The following BMP8B variants were observed in gnomAD, a reference collection of about 807,000 sequenced individuals.
The protein encoded by BMP8B is bone morphogenetic protein 8 (osteogenic protein 2).
Under a neutral mutation model 30.3 loss-of-function variants are expected in BMP8B, and 17 were observed. The ratio of observed to expected loss-of-function variants is 0.56; its 90% CI spans 0.38 to 0.84. BMP8B has a LOEUF of 0.84. Among genes scored for constraint, BMP8B ranks in the 40% least tolerant of loss-of-function variants. The pLI is 0.00. For missense variants in BMP8B, 253 were observed against 494.6 expected, an observed-to-expected ratio of 0.51 and a Z score of 4.63; for synonymous variants, 131 against 214.7, an observed-to-expected ratio of 0.61 and a Z score of 3.41.
intron 1 of BMP8B, among the ~76,000 whole-genome samples, chr1:39,775,333 C>T (rs1458333243): frequency 2.0e-5 from 3 of 152,154 alleles, no homozygotes; most frequent in Admixed American, 6.5e-5. Context: ...CTTCTCGGCC[C>T]GGCTGGTCCT....
At chr1:39,762,407 G>C (rs1649117680) in intron 6 of BMP8B, 4 of 1,369,234 alleles carry the variant, frequency 2.9e-6, no homozygotes, top group Non-Finnish European at 3.9e-6. Flanking sequence ...TGGGATTCTA[G>C]GTAAAAAGTT....
chr1:39,762,564 C>G (rs562516798), intron 6 of BMP8B: 3 of 1,550,352 alleles, frequency 1.9e-6, no homozygotes, highest in Non-Finnish European at 2.6e-6. Flanking sequence ...CCAGAAAAAA[C>G]AAAGATGGCC....
At position 39,760,287 on chromosome 1, in the gene BMP8B, C is replaced by G; in HGVS notation, c.*132G>C. 7.2e-7 allele frequency: 1 copy of G among 1,390,636 alleles called. No homozygotes were observed. Among genetic ancestry groups the G allele is most frequent in the Non-Finnish European group, 9.7e-7 (1 of 1,030,058 alleles). The allele number at this position is 1,390,636 out of a possible 1,614,324, so 86.1% of individuals were successfully genotyped here. Reference sequence around the variant, plus strand: ...GAGCCTGGCATGAAGGAGAAAGGGTCATGTACGTGGTTGTGAGGGTCCTCC... The same window carrying G: ...GAGCCTGGCATGAAGGAGAAAGGGTGATGTACGTGGTTGTGAGGGTCCTCC... On this transcript the variant is annotated 3_prime_UTR_variant, in exon 7 of 7. Transcript: ENST00000372827.
Position 39,759,469 on chromosome 1 carries a change from C to G in BMP8B, c.*950G>C, listed in dbSNP as rs926047021. On this transcript the variant is annotated 3_prime_UTR_variant, in exon 7 of 7. Coordinates refer to ENST00000372827, the MANE Select transcript of BMP8B (RefSeq NM_001720.5). ...ATCATATCTGTTGGCAGTGGCTGTG[C>G]TGATCATTTGAAAATTCCACTCAGA... 1 of 152,390 alleles carries G rather than the reference C, an allele frequency of 6.6e-6. No individual in the cohort carries two copies. Among genetic ancestry groups the G allele is most frequent in the African/African-American group, 2.4e-5 (1 of 41,596 alleles). The allele number at this position is 152,390 out of a possible 1,614,324, so 9.4% of individuals were successfully genotyped here. A position where few individuals can be genotyped will look rare whatever the true frequency, so the allele number is the denominator to read the frequency against.
chr1:39,768,622 C>T (rs1649753620), intron 3 of BMP8B, among the ~76,000 whole-genome samples: 1 of 149,810 alleles, frequency 6.7e-6, no homozygotes, highest in African/African-American at 2.5e-5. Flanking sequence ...GAGGCCAAGG[C>T]AGGTGGATCA....
Position 39,769,816 on chromosome 1 carries a change from C to G in BMP8B, c.673+4492G>C, listed in dbSNP as rs765531562. ...CCTCCCAGAGCTCCCTCAGCGTCAGCTCTTTCTTCCTGTGCACGTCAAACA... is the reference window on the plus strand; with the variant it reads ...CCTCCCAGAGCTCCCTCAGCGTCAGGTCTTTCTTCCTGTGCACGTCAAACA... On this transcript the variant is annotated intron_variant, in intron 3 of 6. Coordinates refer to ENST00000372827, the MANE Select transcript of BMP8B (RefSeq NM_001720.5). 1.9e-6 allele frequency: 3 copies of G among 1,613,654 alleles called. 1 individual carries two copies. Among genetic ancestry groups the G allele is most frequent in the Non-Finnish European group, 2.5e-6 (3 of 1,179,836 alleles).
At chr1:39,763,279 C>T in intron 5 of BMP8B, 77 bp from the exon 6 acceptor site, 1 of 1,382,912 alleles carries the variant, frequency 7.2e-7, no homozygotes, top group Non-Finnish European at 1.0e-6. Context: ...ATCCTCCAGC[C>T]CTGCAGGGCC....
rs1045371961 is a variant in BMP8B at position 39,757,717 on chromosome 1, A to G, written c.*2702T>C. 1 of 152,222 alleles carries G rather than the reference A, an allele frequency of 6.6e-6. No homozygotes were observed. The highest frequency in any genetic ancestry group is 1.5e-5 in the Non-Finnish European group (1 of 68,054). The allele number at this position is 152,222 out of a possible 1,614,324, so 9.4% of individuals were successfully genotyped here. ...AACAGGCCATGCCCTGAGCAAAGAAAAGGGAAATGGTGGTATCTGTGCTGC... is the reference window on the plus strand; with the variant it reads ...AACAGGCCATGCCCTGAGCAAAGAAGAGGGAAATGGTGGTATCTGTGCTGC... On this transcript the variant is annotated 3_prime_UTR_variant, in exon 7 of 7. Coordinates refer to ENST00000372827, the MANE Select transcript of BMP8B (RefSeq NM_001720.5).
At chr1:39,783,502 C>A (rs1178618356) in intron 1 of BMP8B, among the ~76,000 whole-genome samples, 1 of 152,172 alleles carries the variant, frequency 6.6e-6, no homozygotes, top group Non-Finnish European at 1.5e-5. Context: ...TACCTTTGGG[C>A]ATACAGTCAC....
intron 3 of BMP8B, among the ~76,000 whole-genome samples, chr1:39,769,186 C>CAA (rs895090517): frequency 1.3e-5 from 2 of 149,006 alleles, no homozygotes; most frequent in African/African-American, 5.0e-5. Flanking sequence ...GACCCTGCCT[C>CAA]AAAAAAAAGA....
chr1:39,777,917 G>A (rs1650344603), intron 1 of BMP8B, among the ~76,000 whole-genome samples: 1 of 152,194 alleles, frequency 6.6e-6, no homozygotes, highest in South Asian at 2.1e-4. Context: ...CTCTCAGTCC[G>A]ACTGAGAAGG....
Position 39,787,889 on chromosome 1 carries a change from T to C in BMP8B, c.334+263A>G, listed in dbSNP as rs552526992. On this transcript the variant is annotated intron_variant, in intron 1 of 6. Transcript: ENST00000372827. ...GTGGGCAAAGACATCACCTGATTCTTACTCCTGGGTGTGTTTGGGGCAGGG... is the reference window on the plus strand; with the variant it reads ...GTGGGCAAAGACATCACCTGATTCTCACTCCTGGGTGTGTTTGGGGCAGGG... 5.9e-5 allele frequency among the ~76,000 whole-genome samples: 9 copies of C among 152,342 alleles called. No individual in the cohort carries two copies. In the East Asian group the frequency reaches 1.5e-3, roughly 26 times the overall value.
At position 39,774,941 on chromosome 1, in the gene BMP8B, C is replaced by T. The variant is rs745366571; in HGVS notation, c.432G>A (p.Ala144=). The change falls in exon 2 of 7, where the codon GCG becomes GCA. Residue 144 remains alanine, a synonymous_variant. Coordinates refer to ENST00000372827, the MANE Select transcript of BMP8B (RefSeq NM_001720.5). ...TGGGCACCTTGTAAATCCGGAACTC[C>T]GCAGCTGTGACCGCCTCCCCAGCCG... is the stretch of plus-strand genomic sequence containing the variant. ...QIPAGEAVTA[A]EFRIYKVPSI... is the part of the protein sequence containing the mutation. The T allele has an allele frequency of 3.0e-5, 37 of 1,235,718 alleles. No individual in the cohort carries two copies. The highest frequency in any genetic ancestry group is 1.5e-4 in the Admixed American group (7 of 46,588). 76.5% of individuals were successfully genotyped at this position (1,235,718 alleles called of 1,614,324 possible). A position where few individuals can be genotyped will look rare whatever the true frequency, so the allele number is the denominator to read the frequency against.
chr1:39,776,587 G>T (rs1001597721), intron 1 of BMP8B, among the ~76,000 whole-genome samples: 1 of 152,204 alleles, frequency 6.6e-6, no homozygotes, highest in Non-Finnish European at 1.5e-5. Context: ...GCGGGGCAGG[G>T]GATGGGGCCA....
intron 6 of BMP8B, chr1:39,762,621 C>T (rs946974282): frequency 3.5e-5 from 54 of 1,547,954 alleles, no homozygotes; most frequent in Non-Finnish European, 4.5e-5. Context: ...GCCACACCAT[C>T]TAGAAGCTTC....
chr1:39,788,141 G>T lies in BMP8B; in HGVS notation c.334+11C>A. ...TACTCCGAGGGTCCCCGCGCGGGCG[G>T]CCGCACTCACCCATGTTAACGAAGC... On this transcript the variant is annotated intron_variant, in intron 1 of 6. Coordinates refer to ENST00000372827, the MANE Select transcript of BMP8B (RefSeq NM_001720.5). The surrounding 1 kb of genome is among the most constrained non-coding windows in gnomAD (Gnocchi z 5.8). The T allele has an allele frequency of 6.4e-7, 1 of 1,552,662 alleles. No individual in the cohort carries two copies. Among genetic ancestry groups the T allele is most frequent in the Non-Finnish European group, 8.6e-7 (1 of 1,161,460 alleles).
chr1:39,776,848 AT>A (rs1200073465), intron 1 of BMP8B, among the ~76,000 whole-genome samples: 3 of 152,240 alleles, frequency 2.0e-5, no homozygotes, highest in Admixed American at 1.3e-4. Context: ...CAATACAACA[AT>A]AAACAAGATA....
chr1:39,775,545 GC>G (rs1195007032), intron 1 of BMP8B, among the ~76,000 whole-genome samples: 1 of 152,228 alleles, frequency 6.6e-6, no homozygotes, highest in South Asian at 2.1e-4. Context: ...GGGAGGTGCG[GC>G]AGGGGAGGGC....
chr1:39,761,831 G>T (rs752246577), intron 6 of BMP8B, among the ~76,000 whole-genome samples: 4 of 152,162 alleles, frequency 2.6e-5, no homozygotes, highest in Non-Finnish European at 5.9e-5. Flanking sequence ...TCACCTCCAC[G>T]GTTGTTTTGC....
Sources: gnomAD v4.1 joint callset for allele counts (sites outside exome capture counted in the v4.1 genomes callset) on GRCh38, gnomAD v4.1.1 for gene constraint, Gnocchi (gnomAD v3.1) non-coding constraint, MANE v1.5 for transcripts, NCBI Gene and HGNC (gene_info 2026-07-23, HGNC 2026-07-21) for gene names.